PDZD8: variants seen among roughly 807,000 people sequenced by gnomAD.
PDZD8 encodes the protein PDZ domain containing 8, also known as PDZ domain-containing protein 8.
A neutral mutation model predicts 85.8 loss-of-function variants in PDZD8; 14 were observed. The observed-to-expected ratio is 0.16, with a 90% CI of 0.11 to 0.26. The LOEUF (loss-of-function observed/expected upper bound fraction) is 0.26, where lower values mean the gene tolerates loss of function less well. Among genes scored for constraint, PDZD8 ranks in the 10% least tolerant of loss-of-function variants. The probability of loss-of-function intolerance (pLI) is 1.00; values close to 1 mark genes in which losing one functional copy is unlikely to be tolerated. For synonymous variants in PDZD8, 592 were observed against 568.6 expected (o/e 1.04, Z -0.59); for missense variants, 1,197 against 1,424.3 (o/e 0.84, Z 2.57).
intron 3 of PDZD8, among the ~76,000 whole-genome samples, chr10:117,318,654 G>A (rs530360504): frequency 2.4e-4 from 37 of 152,180 alleles, no homozygotes; most frequent in East Asian, 7.7e-4. Flanking sequence ...AAAGCTAGTC[G>A]GACTAGGTTT....
intron 2 of PDZD8, among the ~76,000 whole-genome samples, chr10:117,333,123 A>AAAAC (rs1384776749): frequency 6.8e-6 from 1 of 146,080 alleles, no homozygotes; most frequent in East Asian, 2.0e-4. Context: ...GTCTCAAAAA[A>AAAAC]AAAAAAAAAA....
intron 1 of PDZD8, among the ~76,000 whole-genome samples, chr10:117,362,726 C>T (rs938085253): frequency 6.6e-6 from 1 of 151,982 alleles, no homozygotes; most frequent in Non-Finnish European, 1.5e-5. Flanking sequence ...AAGCAATTTA[C>T]CTAAAATGGG....
In PDZD8 at chr10:117,284,114, A is replaced by G. The variant is rs1844615659; in HGVS notation, c.2619T>C (p.Ala873=). The change falls in exon 5 of 5, where the codon GCT becomes GCC. Residue 873 remains alanine (A), a synonymous_variant. Transcript: ENST00000334464. ...TKAASQCMFC[A]YVCHKKCQEK... ...CTTGACATTTTTTATGGCAAACATAAGCACAAAACATACACTGGGAAGCTG... is the reference window on the plus strand; with the variant it reads ...CTTGACATTTTTTATGGCAAACATAGGCACAAAACATACACTGGGAAGCTG... 2.5e-6 allele frequency: 4 copies of G among 1,614,090 alleles called. No homozygotes were observed. Among genetic ancestry groups the G allele is most frequent in the Non-Finnish European group, 3.4e-6 (4 of 1,180,052 alleles).
intron 1 of PDZD8, among the ~76,000 whole-genome samples, chr10:117,366,107 G>A (rs1335868073): frequency 1.3e-5 from 2 of 152,004 alleles, no homozygotes; most frequent in African/African-American, 2.4e-5. Context: ...CCCTCCTCCA[G>A]CATTTTTAGA....
chr10:117,284,918 A>C lies in PDZD8; in HGVS notation c.1815T>G (p.Asp605Glu). Reference sequence around the variant, plus strand: ...CATCTGGTTCTGCCTGATTTGGAGCATCGGCGGAAGGCAAAGGAACTTTCG... The same window carrying C: ...CATCTGGTTCTGCCTGATTTGGAGCCTCGGCGGAAGGCAAAGGAACTTTCG... ...PQAKVPLPSA[D>E]APNQAEPDVL... Residue 605 changes from aspartate (D) to glutamate (E), a missense_variant, in exon 5 of 5, where the codon GAT becomes GAG. This residue lies in a region of PDZD8 where 263 missense variants were observed against 261.9 expected (regional missense o/e 1.00). Transcript: ENST00000334464. 6.2e-7 allele frequency: 1 copy of C among 1,614,138 alleles called. No homozygotes were observed. The highest frequency in any genetic ancestry group is 8.5e-7 in the Non-Finnish European group (1 of 1,180,014).
chr10:117,311,528 G>T (rs541559259), intron 3 of PDZD8, among the ~76,000 whole-genome samples: 7 of 152,242 alleles, frequency 4.6e-5, no homozygotes, highest in African/African-American at 1.7e-4. Context: ...TGATACGGAA[G>T]ATATTGCTGG....
chr10:117,314,791 C>T (rs1398308196), intron 3 of PDZD8, among the ~76,000 whole-genome samples: 2 of 152,126 alleles, frequency 1.3e-5, no homozygotes, highest in Admixed American at 1.3e-4. Context: ...ATTCATCTTT[C>T]CTTTCTGATA....
rs546761552 is a variant in PDZD8 at position 117,281,641 on chromosome 10, C to T, written c.*1627G>A. 5 of 152,212 alleles carry T rather than the reference C, an allele frequency of 3.3e-5. No individual in the cohort carries two copies. The South Asian group carries it at 1.0e-3, about 32-fold the overall frequency. The allele number at this position is 152,212 out of a possible 1,614,324, so 9.4% of individuals were successfully genotyped here. ...CTTTTGCAGTTATGCTATTGTTTCC[C>T]TCACAACAATACTGTGAGGGAGGTA... On this transcript the variant is annotated 3_prime_UTR_variant, in exon 5 of 5. Transcript: ENST00000334464.
rs1844536501 is a variant in PDZD8, at chr10:117,278,711, T to C, written c.*4557A>G. 1 of 152,230 alleles carries C rather than the reference T, an allele frequency of 6.6e-6. No homozygotes were observed. Among genetic ancestry groups the C allele is most frequent in the Non-Finnish European group, 1.5e-5 (1 of 68,042 alleles). 9.4% of individuals were successfully genotyped at this position (152,230 alleles called of 1,614,324 possible). A position where few individuals can be genotyped will look rare whatever the true frequency, so the allele number is the denominator to read the frequency against. ...AACAGACTCCTCAATCTTGTGACTT[T>C]CTTATTCTCTAGGAAAGTAACACTT... is the stretch of plus-strand genomic sequence containing the variant. On this transcript the variant is annotated 3_prime_UTR_variant, in exon 5 of 5. Transcript: ENST00000334464.
At chr10:117,325,640 TG>T (rs1414538066) in intron 2 of PDZD8, among the ~76,000 whole-genome samples, 7 of 152,048 alleles carry the variant, frequency 4.6e-5, no homozygotes, top group South Asian at 2.1e-4. Context: ...TGGCCTCAAG[TG>T]ATCTGCCCAC....
At chr10:117,310,103 C>T (rs1023089581) in intron 3 of PDZD8, among the ~76,000 whole-genome samples, 1 of 152,080 alleles carries the variant, frequency 6.6e-6, no homozygotes, top group Non-Finnish European at 1.5e-5. Context: ...ATTCTTTAGC[C>T]AACTTGAACA....
At chr10:117,366,885 A>T (rs141310998) in intron 1 of PDZD8, among the ~76,000 whole-genome samples, 1 of 152,342 alleles carries the variant, frequency 6.6e-6, no homozygotes, top group East Asian at 1.9e-4. Context: ...TTGAGATTGC[A>T]ACTGCATGGA....
In PDZD8 at chr10:117,284,637, G is replaced by A; in HGVS notation, c.2096C>T (p.Ser699Phe). 1 of 1,614,174 alleles carries A rather than the reference G, an allele frequency of 6.2e-7. No homozygotes were observed. The highest frequency in any genetic ancestry group is 8.5e-7 in the Non-Finnish European group (1 of 1,180,018). ...KLGKWTRTRASCLFDIEACHR... is the reference protein window; with the variant it reads ...KLGKWTRTRAFCLFDIEACHR... ...ACAGGCTTCTATGTCAAACAAACAG[G>A]ATGCTCTGGTTCTTGTCCATTTTCC... is the stretch of plus-strand genomic sequence containing the variant. Residue 699 changes from serine to phenylalanine, a missense_variant, in exon 5 of 5, where the codon TCC becomes TTC. Transcript: ENST00000334464.
Position 117,318,925 on chromosome 10 carries a change from G to C in PDZD8, c.1045C>G (p.Leu349Val). The change falls in exon 3 of 5, where the codon CTT becomes GTT. Residue 349 changes from leucine to valine, a missense_variant. Physicochemically the swap from Leu to Val is conservative, Grantham distance 32 (BLOSUM62 1). Coordinates refer to ENST00000334464, the MANE Select transcript of PDZD8 (RefSeq NM_173791.5). Reference sequence around the variant, plus strand: ...TCCCAAACACTACTGCTTAACTCAAGTGTGCAATGAACATTTGCCTCTCTG... The same window carrying C: ...TCCCAAACACTACTGCTTAACTCAACTGTGCAATGAACATTTGCCTCTCTG... ...YDREANVHCT[L>V]ELSSSVWEEK... 6.2e-7 allele frequency: 1 copy of C among 1,612,270 alleles called. No individual in the cohort carries two copies. Among genetic ancestry groups the C allele is most frequent in the Non-Finnish European group, 8.5e-7 (1 of 1,178,848 alleles).
At chr10:117,340,157 A>C (rs1005787672) in intron 2 of PDZD8, among the ~76,000 whole-genome samples, 3 of 152,176 alleles carry the variant, frequency 2.0e-5, no homozygotes, top group African/African-American at 7.2e-5. Context: ...AAACGCTAAA[A>C]ATCCACAGTG....
intron 3 of PDZD8, among the ~76,000 whole-genome samples, chr10:117,308,798 A>G (rs1253444113): frequency 6.6e-6 from 1 of 152,100 alleles, no homozygotes; most frequent in Admixed American, 6.6e-5. Flanking sequence ...CATATATAAA[A>G]CAGAGATAAT....
chr10:117,337,114 T>C (rs1256809482), intron 2 of PDZD8, among the ~76,000 whole-genome samples: 1 of 151,978 alleles, frequency 6.6e-6, no homozygotes, highest in Admixed American at 6.6e-5. Context: ...AAGATCTAAC[T>C]AATCCGTAAA....
At chr10:117,298,933 C>T (rs573317185) in intron 3 of PDZD8, among the ~76,000 whole-genome samples, 2 of 151,982 alleles carry the variant, frequency 1.3e-5, no homozygotes, top group African/African-American at 4.8e-5. Flanking sequence ...ATACCAAAAT[C>T]GGTATATGCT....
At chr10:117,323,562 G>T (rs905109819) in intron 2 of PDZD8, among the ~76,000 whole-genome samples, 4 of 152,112 alleles carry the variant, frequency 2.6e-5, no homozygotes, top group African/African-American at 9.7e-5. Context: ...AAATTTTTCT[G>T]AAGAATTCAT....
Sources: gnomAD v4.1 joint callset for allele counts (sites outside exome capture counted in the v4.1 genomes callset) on GRCh38, gnomAD v4.1.1 for gene constraint, gnomAD v4.1.1 regional missense constraint, MANE v1.5 for transcripts, NCBI Gene and HGNC (gene_info 2026-07-23, HGNC 2026-07-21) for gene names.